The following TNFRSF19 variants were observed in gnomAD, a reference collection of about 807,000 sequenced individuals.
TNFRSF19 encodes the protein tumor necrosis factor receptor superfamily member 19.
In TNFRSF19, 27 loss-of-function variants were observed where a neutral mutation model predicts 46.4. The observed-to-expected ratio is 0.58, with a 90% CI of 0.43 to 0.80. TNFRSF19 has a LOEUF of 0.80. Among genes scored for constraint, TNFRSF19 ranks in the 30% least tolerant of loss-of-function variants. The pLI is 0.00. For missense variants in TNFRSF19, 511 were observed against 530.8 expected (o/e 0.96, Z 0.37); for synonymous variants, 204 against 205.0 (o/e 1.00, Z 0.04).
intron 4 of TNFRSF19, among the ~76,000 whole-genome samples, chr13:23,618,209 C>T (rs925677552): frequency 2.0e-5 from 3 of 152,020 alleles, no homozygotes; most frequent in African/African-American, 7.2e-5. Context: ...AACCACACAA[C>T]CCACAAAATA....
intron 7 of TNFRSF19, among the ~76,000 whole-genome samples, chr13:23,661,394 A>G (rs1353840410): frequency 6.6e-6 from 1 of 152,250 alleles, no homozygotes; most frequent in Non-Finnish European, 1.5e-5. Flanking sequence ...ATGGCTGCAT[A>G]GTATTCCATG....
At chr13:23,646,778 C>A (rs1044314399) in intron 5 of TNFRSF19, among the ~76,000 whole-genome samples, 3 of 152,166 alleles carry the variant, frequency 2.0e-5, no homozygotes, top group Non-Finnish European at 2.9e-5. Context: ...ATTTTCCATT[C>A]CTTGGGGTAT....
At position 23,673,472 on chromosome 13, in the gene TNFRSF19, A is replaced by C; in HGVS notation, c.*92A>C. 1 of 1,442,432 alleles carries C rather than the reference A, an allele frequency of 6.9e-7. No individual in the cohort carries two copies. Among genetic ancestry groups the C allele is most frequent in the East Asian group, 2.5e-5 (1 of 39,364 alleles). 89.4% of individuals were successfully genotyped at this position (1,442,432 alleles called of 1,614,324 possible). On this transcript the variant is annotated 3_prime_UTR_variant, in exon 10 of 10. Coordinates refer to ENST00000248484, the MANE Select transcript of TNFRSF19 (RefSeq NM_148957.4). The stretch of plus-strand genomic sequence containing the variant: ...ATGGACTGAGCAGTCTGGACCTTGC[A>C]TGGCTTCTGGGGCAAAAATAAATCT...
rs34837771 is a variant in TNFRSF19, at chr13:23,611,126, GCA to G, written c.181-4717_181-4716del. 5.6e-3 allele frequency among the ~76,000 whole-genome samples: 827 copies of G among 147,638 alleles called. 6 individuals are homozygous for G. Among genetic ancestry groups the G allele is most frequent in the Middle Eastern group, 0.021 (6 of 286 alleles). ...CCTCACCAGACACACACACACATGT[GCA>G]CACACACACACACACACACACACTC... On this transcript the variant is annotated intron_variant, in intron 3 of 9. Transcript: ENST00000248484.
At chr13:23,593,540 G>A (rs1879477643) in intron 3 of TNFRSF19, 85 bp downstream of exon 3, 1 of 908,908 alleles carries the variant, frequency 1.1e-6, no homozygotes, top group Non-Finnish European at 1.7e-6. Context: ...AATTATTAAT[G>A]AAACTTTGGA....
chr13:23,623,330 C>T (rs541191778), intron 4 of TNFRSF19, among the ~76,000 whole-genome samples: 12 of 152,280 alleles, frequency 7.9e-5, no homozygotes, highest in African/African-American at 2.9e-4. Flanking sequence ...CTGTGAAATA[C>T]TTTGTTTATC....
At chr13:23,669,544 C>A in intron 9 of TNFRSF19, 2 of 985,318 alleles carry the variant, frequency 2.0e-6, no homozygotes, top group Non-Finnish European at 2.4e-6. Flanking sequence ...CTGCTCTTTT[C>A]CCTCCTCTCT....
At chr13:23,619,542 A>C (rs1881518414) in intron 4 of TNFRSF19, among the ~76,000 whole-genome samples, 1 of 152,190 alleles carries the variant, frequency 6.6e-6, no homozygotes, top group South Asian at 2.1e-4. Context: ...ATAAAGTATA[A>C]GTCAATAAAT....
At chr13:23,588,362 G>A (rs1042518039) in intron 1 of TNFRSF19, among the ~76,000 whole-genome samples, 3 of 152,206 alleles carry the variant, frequency 2.0e-5, no homozygotes, top group Non-Finnish European at 4.4e-5. Context: ...CAATGCCCCT[G>A]TGAGATGGGT....
chr13:23,602,275 G>A (rs1444490307), intron 3 of TNFRSF19, among the ~76,000 whole-genome samples: 2 of 152,080 alleles, frequency 1.3e-5, no homozygotes, highest in Non-Finnish European at 2.9e-5. Flanking sequence ...GGATAAAGAT[G>A]GACATCATAT....
At chr13:23,602,525 T>C (rs975786618) in intron 3 of TNFRSF19, among the ~76,000 whole-genome samples, 4 of 152,118 alleles carry the variant, frequency 2.6e-5, no homozygotes, top group Non-Finnish European at 4.4e-5. Context: ...AACTGACACC[T>C]ATAGACAACT....
intron 5 of TNFRSF19, 150 bp downstream of exon 5, chr13:23,626,942 G>T: frequency 2.9e-6 from 2 of 684,916 alleles, no homozygotes; most frequent in South Asian, 4.0e-5. Context: ...GCTTCTGGCA[G>T]GACAGAAAGT....
At chr13:23,573,706 G>A (rs1877772301) in intron 1 of TNFRSF19, among the ~76,000 whole-genome samples, 1 of 152,072 alleles carries the variant, frequency 6.6e-6, no homozygotes, top group Admixed American at 6.5e-5. Context: ...TTCATATCAT[G>A]TTTGATTATG....
intron 9 of TNFRSF19, 57 bp from the exon 10 acceptor site, chr13:23,673,315 A>C (rs1187561038): frequency 6.4e-7 from 1 of 1,550,914 alleles, no homozygotes; most frequent in Non-Finnish European, 8.8e-7. Flanking sequence ...ATTGAAATTT[A>C]GCAGATTTAA....
chr13:23,603,223 C>A (rs1468774596), intron 3 of TNFRSF19, among the ~76,000 whole-genome samples: 3 of 151,954 alleles, frequency 2.0e-5, no homozygotes, highest in Non-Finnish European at 4.4e-5. Context: ...CATTTGGTAA[C>A]CTAGATGAAA....
At chr13:23,587,482 C>T (rs529743881) in intron 1 of TNFRSF19, among the ~76,000 whole-genome samples, 1 of 152,348 alleles carries the variant, frequency 6.6e-6, no homozygotes, top group East Asian at 1.9e-4. Flanking sequence ...TAGCCTAGTC[C>T]TGCCTCCTTT....
chr13:23,608,901 C>T (rs1197236903), intron 3 of TNFRSF19, among the ~76,000 whole-genome samples: 4 of 152,184 alleles, frequency 2.6e-5, no homozygotes, highest in Non-Finnish European at 4.4e-5. Flanking sequence ...CCTTCTTCCT[C>T]TGAGCTACGC....
intron 2 of TNFRSF19, 84 bp downstream of exon 2, chr13:23,590,336 TA>T (rs1192863789): frequency 6.1e-6 from 5 of 823,956 alleles, no homozygotes; most frequent in Non-Finnish European, 9.3e-6. Context: ...AAAATCATTT[TA>T]TTTTTTATTT....
intron 9 of TNFRSF19, 43 bp from the exon 10 acceptor site, chr13:23,673,329 G>T (rs980770115): frequency 8.2e-6 from 13 of 1,580,536 alleles, no homozygotes; most frequent in Non-Finnish European, 1.1e-5. Context: ...GATTTAACTT[G>T]TAAGACATTA....
Sources: allele counts gnomAD v4.1 joint callset (sites outside exome capture counted in the v4.1 genomes callset), GRCh38; gene constraint gnomAD v4.1.1; transcripts MANE v1.5; gene names NCBI Gene and HGNC (gene_info 2026-07-23, HGNC 2026-07-21).